Variants in EDEM1 observed in about 807,000 individuals in gnomAD.
EDEM1 encodes the protein ER degradation enhancing alpha-mannosidase like protein 1.
Under a neutral mutation model 74.4 loss-of-function variants are expected in EDEM1, and 67 were observed. The observed-to-expected ratio is 0.90, with a 90% CI of 0.74 to 1.10. The LOEUF (loss-of-function observed/expected upper bound fraction) is 1.10, where lower values mean the gene tolerates loss of function less well. Among genes scored for constraint, EDEM1 ranks in the 50% least tolerant of loss-of-function variants. The probability of loss-of-function intolerance (pLI) is 0.00; values close to 1 mark genes in which losing one functional copy is unlikely to be tolerated. For synonymous variants in EDEM1, 382 were observed against 335.9 expected, an observed-to-expected ratio of 1.14 and a Z score of -1.50; for missense variants, 926 against 851.6, an observed-to-expected ratio of 1.09 and a Z score of -1.09.
At chr3:5,206,191 C>T (rs2055094595) in intron 6 of EDEM1, among the ~76,000 whole-genome samples, 1 of 151,390 alleles carries the variant, frequency 6.6e-6, no homozygotes, top group South Asian at 2.1e-4. Flanking sequence ...CGTAGTGTCA[C>T]TCTCTTTCCC....
At position 5,217,211 on chromosome 3, in the gene EDEM1, T is replaced by G. The variant is rs1203444048; in HGVS notation, c.*1293T>G. The G allele has an allele frequency of 1.3e-5, 2 of 152,630 alleles. No individual in the cohort carries two copies. The highest frequency in any genetic ancestry group is 3.8e-4 in the East Asian group (2 of 5,200). The allele number at this position is 152,630 out of a possible 1,614,324, so 9.5% of individuals were successfully genotyped here. ...GGAGGAAGTTGTGCTAAAATGCCTT[T>G]GTTTTTTTGTTATTATTTTCTTAGC... On this transcript the variant is annotated 3_prime_UTR_variant, in exon 12 of 12. Transcript: ENST00000256497.
In EDEM1 at chr3:5,203,117, G is replaced by A; in HGVS notation, c.1010G>A (p.Trp337Ter). The change falls in exon 5 of 12, where the codon TGG (tryptophan) becomes TAG (stop). Residue 337 changes from tryptophan to a stop codon, truncating the protein, a stop_gained. Transcript: ENST00000256497. LOFTEE classifies it high-confidence loss of function. ...WVARRAVKAL[W>*]NLRSNDTGLL... ...GCCAGACGAGCAGTGAAAGCCCTTT[G>A]GAACCTCCGGAGCAATGATACAGGA... 1 of 1,602,338 alleles carries A rather than the reference G, an allele frequency of 6.2e-7. No individual in the cohort carries two copies. Among genetic ancestry groups the A allele is most frequent in the Non-Finnish European group, 8.5e-7 (1 of 1,174,656 alleles).
Position 5,213,465 on chromosome 3 carries a change from A to G in EDEM1, c.1827A>G (p.Gly609=), listed in dbSNP as rs1391601858. 2.5e-6 allele frequency: 4 copies of G among 1,614,060 alleles called. No individual in the cohort carries two copies. The highest frequency in any genetic ancestry group is 1.7e-5 in the Admixed American group (1 of 60,026). ...AAGAGGGAGGGCAGGACCAAGGGGG[A>G]AAGTCTGTGCACAGGCCGAAACCTC... is the stretch of plus-strand genomic sequence containing the variant. ...FSEEGGQDQG[G]KSVHRPKPHE... Residue 609 remains glycine, a synonymous_variant, in exon 11 of 12, where the codon GGA becomes GGG. Coordinates refer to ENST00000256497, the MANE Select transcript of EDEM1 (RefSeq NM_014674.3).
In EDEM1 at chr3:5,213,461, G is replaced by C; in HGVS notation, c.1823G>C (p.Gly608Ala). 2.5e-6 allele frequency: 4 copies of C among 1,614,120 alleles called. 1 individual carries two copies. The Middle Eastern group carries it at 4.9e-4, about 200-fold the overall frequency. ...FFSEEGGQDQ[G>A]GKSVHRPKPH... ...TCTGAAGAGGGAGGGCAGGACCAAG[G>C]GGGAAAGTCTGTGCACAGGCCGAAA... Residue 608 changes from glycine to alanine, a missense_variant, in exon 11 of 12, where the codon GGG (glycine) becomes GCG (alanine). By Grantham distance (60) the Gly-to-Ala change is moderately conservative. Transcript: ENST00000256497.
rs1309947739 is a variant in EDEM1 at position 5,218,858 on chromosome 3, T to TG, written c.*2940_*2941insG. The TG allele has an allele frequency of 6.6e-6, 1 of 152,198 alleles. No individual in the cohort carries two copies. Among genetic ancestry groups the TG allele is most frequent in the Non-Finnish European group, 1.5e-5 (1 of 68,050 alleles). The allele number at this position is 152,198 out of a possible 1,614,324, so 9.4% of individuals were successfully genotyped here. A position where few individuals can be genotyped will look rare whatever the true frequency, so the allele number is the denominator to read the frequency against. ...AATCTTTCCTTCATTTTTTTAAATT[T>TG]TTTTTTTGGCAGCGCTTGTGCTGGA... is the stretch of plus-strand genomic sequence containing the variant. On this transcript the variant is annotated 3_prime_UTR_variant, in exon 12 of 12. Transcript: ENST00000256497.
At chr3:5,207,296 A>G (rs772495221) in intron 7 of EDEM1, 23 bp downstream of exon 7, 1 of 1,612,612 alleles carries the variant, frequency 6.2e-7, no homozygotes, top group Non-Finnish European at 8.5e-7. Context: ...CAGATTTCCT[A>G]AGAATAACCA....
chr3:5,210,593 T>C (rs2055155933), intron 9 of EDEM1, among the ~76,000 whole-genome samples: 1 of 152,184 alleles, frequency 6.6e-6, no homozygotes, highest in African/African-American at 2.4e-5. Context: ...GTAGTCAGTA[T>C]TGAAATGTAT....
At chr3:5,212,955 T>A (rs2055185443) in intron 10 of EDEM1, among the ~76,000 whole-genome samples, 1 of 152,218 alleles carries the variant, frequency 6.6e-6, no homozygotes, top group South Asian at 2.1e-4. Context: ...TGTGTGAGGT[T>A]GGGTGTAGTT....
intron 11 of EDEM1, among the ~76,000 whole-genome samples, chr3:5,214,791 C>G (rs1157749265): frequency 2.6e-5 from 4 of 152,158 alleles, no homozygotes; most frequent in Admixed American, 1.3e-4. Flanking sequence ...GCCATACTCA[C>G]TAATAGATCT....
At position 5,210,189 on chromosome 3, in the gene EDEM1, C is replaced by G. The variant is rs1408122507; in HGVS notation, c.1524C>G (p.Pro508=). The change falls in exon 9 of 12, where the codon CCC becomes CCG. Residue 508 remains proline, a synonymous_variant. Transcript: ENST00000256497. The stretch of plus-strand genomic sequence containing the variant: ...GTTCTCTCTAGGCAACCAAGAATCC[C>G]TTCTACCTCCATGTAGGAATGGATA... ...TYLLYQATKN[P]FYLHVGMDIL... 5.0e-6 allele frequency: 8 copies of G among 1,614,182 alleles called. No individual in the cohort carries two copies. The highest frequency in any genetic ancestry group is 5.9e-6 in the Non-Finnish European group (7 of 1,180,006).
chr3:5,196,360 G>GGCAGGAGAAATGCTTGAAC (rs2054967045), intron 2 of EDEM1, among the ~76,000 whole-genome samples: 1 of 152,154 alleles, frequency 6.6e-6, no homozygotes, highest in South Asian at 2.1e-4. Context: ...AAGAGGCTGA[G>GGCAGGAGAAATGCTTGAAC]GCAGGAGAAA....
intron 7 of EDEM1, among the ~76,000 whole-genome samples, chr3:5,207,533 G>T (rs938853296): frequency 2.0e-5 from 3 of 152,162 alleles, no homozygotes; most frequent in African/African-American, 4.8e-5. Context: ...TTGAGATGAA[G>T]TCTTCCTCTG....
chr3:5,196,269 C>T (rs974537652), intron 2 of EDEM1, among the ~76,000 whole-genome samples: 1 of 152,110 alleles, frequency 6.6e-6, no homozygotes, highest in Non-Finnish European at 1.5e-5. Context: ...CCAGCCTGAC[C>T]AACATGGTGA....
rs1222811672 is a variant in EDEM1, at chr3:5,187,947, A to G, written c.142A>G (p.Ser48Gly). ...CAGCTTCGGCTTCCAGCGTCTGAGGAGCCCCGACGGCCCCGCGTCGCCCAC... is the reference window on the plus strand; with the variant it reads ...CAGCTTCGGCTTCCAGCGTCTGAGGGGCCCCGACGGCCCCGCGTCGCCCAC... The part of the protein sequence containing the change: ...PLSFGFQRLR[S>G]PDGPASPTSG... Residue 48 changes from serine to glycine, a missense_variant, in exon 1 of 12, where the codon AGC becomes GGC. Coordinates refer to ENST00000256497, the MANE Select transcript of EDEM1 (RefSeq NM_014674.3). The G allele has an allele frequency of 1.9e-6, 3 of 1,573,992 alleles. No homozygotes were observed. The highest frequency in any genetic ancestry group is 3.6e-5 in the Admixed American group (2 of 54,886).
At chr3:5,207,333 TTTC>T in intron 7 of EDEM1, 60 bp downstream of exon 7, 1 of 1,596,846 alleles carries the variant, frequency 6.3e-7, no homozygotes, top group Non-Finnish European at 8.5e-7. Flanking sequence ...TCTCCCTCCT[TTTC>T]TTTCTTTTTT....
At position 5,205,074 on chromosome 3, in the gene EDEM1, C is replaced by G. The variant is rs373997176; in HGVS notation, c.1050C>G (p.Val350=). Residue 350 remains valine, a synonymous_variant, in exon 6 of 12, where the codon GTC becomes GTG. Transcript: ENST00000256497. ...CCTTGTTTATTTTTGCAGGCAATGT[C>G]GTGAACATTCAGACGGGCCACTGGG... ...RSNDTGLLGN[V]VNIQTGHWVG... is the part of the protein sequence containing the mutation. 15 of 1,613,820 alleles carry G rather than the reference C, an allele frequency of 9.3e-6. No individual in the cohort carries two copies. Among genetic ancestry groups the G allele is most frequent in the Non-Finnish European group, 1.3e-5 (15 of 1,179,850 alleles).
At chr3:5,211,009 T>C (rs2055160524) in intron 9 of EDEM1, 111 bp from the exon 10 acceptor site, 2 of 932,048 alleles carry the variant, frequency 2.1e-6, no homozygotes, top group African/African-American at 1.6e-5. Context: ...TAGTTTCATA[T>C]GGTGTTGGAT....
In EDEM1 at chr3:5,213,476, A is replaced by G. The variant is rs1283827230; in HGVS notation, c.1838A>G (p.His613Arg). Residue 613 changes from histidine to arginine, a missense_variant, in exon 11 of 12, where the codon CAC becomes CGC. His to Arg is a conservative substitution (Grantham distance 29, BLOSUM62 0). Coordinates refer to ENST00000256497, the MANE Select transcript of EDEM1 (RefSeq NM_014674.3). ...CAGGACCAAGGGGGAAAGTCTGTGCACAGGCCGAAACCTCATGAGTTAAAA... is the reference window on the plus strand; with the variant it reads ...CAGGACCAAGGGGGAAAGTCTGTGCGCAGGCCGAAACCTCATGAGTTAAAA... ...GGQDQGGKSVHRPKPHELKVI... is the reference protein window; with the variant it reads ...GGQDQGGKSVRRPKPHELKVI... The G allele has an allele frequency of 1.9e-6, 3 of 1,613,988 alleles. No individual in the cohort carries two copies. The highest frequency in any genetic ancestry group is 2.5e-6 in the Non-Finnish European group (3 of 1,179,988).
chr3:5,191,342 G>C (rs1214870257), intron 1 of EDEM1, among the ~76,000 whole-genome samples: 1 of 151,952 alleles, frequency 6.6e-6, no homozygotes, highest in East Asian at 1.9e-4. Context: ...TCCTGCCTCA[G>C]CCTCCCGAAT....
Sources: allele counts gnomAD v4.1 joint callset (sites outside exome capture counted in the v4.1 genomes callset), GRCh38; gene constraint gnomAD v4.1.1; transcripts MANE v1.5; gene names NCBI Gene and HGNC (gene_info 2026-07-23, HGNC 2026-07-21).